The following SLIT3 variants were observed in gnomAD, a reference collection of about 807,000 sequenced individuals.
The protein encoded by SLIT3 is slit homolog 3 protein.
SLIT3 carries 68 observed loss-of-function variants against 184.0 expected under a neutral mutation model. That is an observed-to-expected ratio of 0.37 (90% CI 0.30 to 0.45). SLIT3 has a LOEUF of 0.45. SLIT3 is among the 20% of genes least tolerant of loss of function. SLIT3 has a pLI of 1.00. For synonymous variants in SLIT3, 831 were observed against 828.6 expected, an observed-to-expected ratio of 1.00 and a Z score of -0.05; for missense variants, 1,707 against 2,026.0, an observed-to-expected ratio of 0.84 and a Z score of 3.02.
chr5:168,679,727 C>G (rs1258617309), intron 32 of SLIT3, among the ~76,000 whole-genome samples: 1 of 152,146 alleles, frequency 6.6e-6, no homozygotes, highest in Non-Finnish European at 1.5e-5. Context: ...CAGCAACCCC[C>G]TACTCCTGTA....
intron 4 of SLIT3, among the ~76,000 whole-genome samples, chr5:169,142,073 A>G (rs1345175567): frequency 1.1e-5 from 1 of 90,378 alleles, no homozygotes; most frequent in Non-Finnish European, 2.0e-5. Flanking sequence ...AAATAAAAAT[A>G]AAAATAAAAA....
intron 11 of SLIT3, among the ~76,000 whole-genome samples, chr5:168,787,551 A>G (rs142628485): frequency 1.7e-3 from 261 of 152,220 alleles, no homozygotes; most frequent in Non-Finnish European, 3.2e-3. Context: ...TTAATGTTTT[A>G]TATCACCTGT....
At chr5:168,781,456 C>G (rs999081557) in intron 12 of SLIT3, among the ~76,000 whole-genome samples, 1 of 152,134 alleles carries the variant, frequency 6.6e-6, no homozygotes, top group African/African-American at 2.4e-5. Context: ...AATGGCTTTC[C>G]AGGTACACAA....
At chr5:168,787,502 A>G (rs1341794910) in intron 11 of SLIT3, among the ~76,000 whole-genome samples, 1 of 152,200 alleles carries the variant, frequency 6.6e-6, no homozygotes, top group East Asian at 1.9e-4. Flanking sequence ...TCTGAGCTCA[A>G]ACATCTCTTC....
intron 4 of SLIT3, among the ~76,000 whole-genome samples, chr5:169,004,494 T>C (rs1380732501): frequency 6.6e-6 from 1 of 152,180 alleles, no homozygotes; most frequent in Non-Finnish European, 1.5e-5. Context: ...CTCCAAGCGC[T>C]GAGTATGATA....
chr5:169,208,499 A>G (rs1257595848), intron 3 of SLIT3, among the ~76,000 whole-genome samples: 1 of 152,096 alleles, frequency 6.6e-6, no homozygotes, highest in African/African-American at 2.4e-5. Flanking sequence ...CAAAGAGAAC[A>G]AAGCTGGAGG....
chr5:169,068,842 C>A (rs1184872793), intron 4 of SLIT3, among the ~76,000 whole-genome samples: 4 of 149,600 alleles, frequency 2.7e-5, no homozygotes, highest in Non-Finnish European at 4.4e-5. Context: ...TTAAAAGCCT[C>A]AAAAAAAAAA....
At chr5:168,878,001 C>T (rs2879078) in intron 5 of SLIT3, among the ~76,000 whole-genome samples, 48,348 of 151,568 alleles carry the variant, frequency 0.32, 8,174 homozygotes, top group Non-Finnish European at 0.37. Context: ...TTTTTCTTTC[C>T]CTCCTCTCTC....
chr5:168,800,513 G>C (rs1283577049), intron 9 of SLIT3, among the ~76,000 whole-genome samples: 1 of 152,184 alleles, frequency 6.6e-6, no homozygotes, highest in Non-Finnish European at 1.5e-5. Context: ...CTTGAACCTG[G>C]GAGGCGGAGG....
intron 4 of SLIT3, among the ~76,000 whole-genome samples, chr5:169,147,372 G>A (rs977862486): frequency 1.4e-4 from 22 of 152,136 alleles, no homozygotes; most frequent in African/African-American, 4.3e-4. Context: ...GGGTTCAAGC[G>A]ATTCTCCTGC....
At chr5:168,835,723 GT>G (rs1332578785) in intron 6 of SLIT3, among the ~76,000 whole-genome samples, 1 of 151,172 alleles carries the variant, frequency 6.6e-6, no homozygotes, top group Non-Finnish European at 1.5e-5. Flanking sequence ...AGACAAGAGA[GT>G]TGCTTGAACT....
At chr5:169,041,189 G>A (rs995185092) in intron 4 of SLIT3, among the ~76,000 whole-genome samples, 8 of 152,262 alleles carry the variant, frequency 5.3e-5, no homozygotes, top group South Asian at 2.1e-4. Flanking sequence ...CTTTTGAGAC[G>A]TGGCCCCAAC....
chr5:169,297,961 C>T (rs1767563092), intron 1 of SLIT3, among the ~76,000 whole-genome samples: 1 of 152,202 alleles, frequency 6.6e-6, no homozygotes, highest in Non-Finnish European at 1.5e-5. Context: ...CTGAAGAAAT[C>T]CTTGGCAGAG....
intron 9 of SLIT3, among the ~76,000 whole-genome samples, chr5:168,801,870 C>G (rs942535673): frequency 2.6e-5 from 4 of 151,902 alleles, no homozygotes; most frequent in African/African-American, 7.2e-5. Flanking sequence ...TTCGGGGACA[C>G]CAGCACACAC....
At chr5:168,935,031 G>C (rs1034270090) in intron 4 of SLIT3, among the ~76,000 whole-genome samples, 10 of 150,356 alleles carry the variant, frequency 6.7e-5, no homozygotes, top group Admixed American at 3.3e-4. Flanking sequence ...CCAGCTACTT[G>C]GGAGGCTGAG....
At chr5:169,180,677 T>C (rs1356427788) in intron 4 of SLIT3, among the ~76,000 whole-genome samples, 1 of 152,172 alleles carries the variant, frequency 6.6e-6, no homozygotes, top group Non-Finnish European at 1.5e-5. Context: ...GAACAGAATA[T>C]TCCCTGAGCA....
intron 4 of SLIT3, among the ~76,000 whole-genome samples, chr5:168,949,756 C>T (rs1762593327): frequency 6.6e-6 from 1 of 152,124 alleles, no homozygotes; most frequent in Non-Finnish European, 1.5e-5. Flanking sequence ...CACGCCACCA[C>T]ACCCAGCTAA....
chr5:169,172,140 TAATAAC>T (rs1338404055), intron 4 of SLIT3, among the ~76,000 whole-genome samples: 1 of 152,132 alleles, frequency 6.6e-6, no homozygotes, highest in East Asian at 1.9e-4. Flanking sequence ...AAAGGACTAA[TAATAAC>T]AATAAGGTTC....
rs1033760559 is a variant in SLIT3 at position 168,949,297 on chromosome 5, G to A, written c.414-65961C>T. ...CCTGCAGTCATGGGGACCGTTCAGC[G>A]TCTTTGCAGACAGTCCAGGAGGAAT... On this transcript the variant is annotated intron_variant, in intron 4 of 35. Transcript: ENST00000519560. Among the ~76,000 whole-genome samples the A allele has an allele frequency of 4.6e-5, 7 of 152,300 alleles. No individual in the cohort carries two copies. The South Asian group carries it at 8.3e-4, about 18-fold the overall frequency.
Sources: gnomAD v4.1 joint callset for allele counts (sites outside exome capture counted in the v4.1 genomes callset) on GRCh38, gnomAD v4.1.1 for gene constraint, MANE v1.5 for transcripts, NCBI Gene and HGNC (gene_info 2026-07-23, HGNC 2026-07-21) for gene names.